RFX7: variants seen among roughly 807,000 people sequenced by gnomAD.
RFX7 encodes DNA-binding protein RFX7.
In RFX7, 26 loss-of-function variants were observed where a neutral mutation model predicts 111.8. The observed-to-expected ratio is 0.23, with a 90% CI of 0.17 to 0.32. The LOEUF (loss-of-function observed/expected upper bound fraction) is 0.32. Ranked by LOEUF, RFX7 falls within the 10% of genes least tolerant of loss-of-function variation. The pLI is 1.00. For synonymous variants in RFX7, 624 were observed against 624.4 expected, an observed-to-expected ratio of 1.00 and a Z score of 0.01; for missense variants, 1,573 against 1,772.9, an observed-to-expected ratio of 0.89 and a Z score of 2.02.
rs869249448 is a variant in RFX7 at position 56,218,144 on chromosome 15, C to CTTTTTTTTT, written c.161+24972_161+24980dup. 5.5e-4 allele frequency among the ~76,000 whole-genome samples: 32 copies of CTTTTTTTTT among 57,968 alleles called. 3 individuals carry two copies. Among genetic ancestry groups the CTTTTTTTTT allele is most frequent in the East Asian group, 1.3e-3 (2 of 1,494 alleles). The allele number at this position is 57,968 out of a possible 152,430, so 38.0% of individuals were successfully genotyped here. ...TTACAAGTAATTTAGAAATGATTTTCTTTTTTTTTTTTTTTTTTTTTTTTT... is the reference window on the plus strand; with the variant it reads ...TTACAAGTAATTTAGAAATGATTTTCTTTTTTTTTTTTTTTTTTTTTTTTTTTTTTTTTT... On this transcript the variant is annotated intron_variant, in intron 2 of 9. Transcript: ENST00000559447.
chr15:56,156,476 C>T (rs1229041576), intron 3 of RFX7, among the ~76,000 whole-genome samples: 2 of 152,022 alleles, frequency 1.3e-5, no homozygotes, highest in Non-Finnish European at 2.9e-5. Flanking sequence ...CATGTCTCTA[C>T]TGATAGACAA....
chr15:56,154,610 C>T (rs192407074), intron 3 of RFX7, among the ~76,000 whole-genome samples: 25 of 152,306 alleles, frequency 1.6e-4, no homozygotes, highest in Non-Finnish European at 3.4e-4. Context: ...CCCTTCCTTA[C>T]ACCTTTTACA....
At chr15:56,120,476 CCT>C (rs1393266101) in intron 5 of RFX7, among the ~76,000 whole-genome samples, 3 of 151,966 alleles carry the variant, frequency 2.0e-5, no homozygotes, top group Admixed American at 2.0e-4. Context: ...GTCTGGATGC[CCT>C]GTTTCTTTTT....
At chr15:56,109,194 C>T (rs574301273) in intron 5 of RFX7, among the ~76,000 whole-genome samples, 2,027 of 152,322 alleles carry the variant, frequency 0.013, 47 homozygotes, top group African/African-American at 0.046. Context: ...TGCAGGCGCG[C>T]GCCGCCACGC....
chr15:56,098,686 C>G (rs945376692), intron 8 of RFX7, among the ~76,000 whole-genome samples: 2 of 152,200 alleles, frequency 1.3e-5, no homozygotes, highest in Non-Finnish European at 1.5e-5. Context: ...TGTGCAGAAG[C>G]TGAGATAAAT....
At chr15:56,104,137 C>G (rs1190688619) in intron 5 of RFX7, among the ~76,000 whole-genome samples, 1 of 152,060 alleles carries the variant, frequency 6.6e-6, no homozygotes, top group African/African-American at 2.4e-5. Context: ...TACGAATACA[C>G]CAACACTCTC....
chr15:56,200,423 T>C (rs1278292624), intron 2 of RFX7, among the ~76,000 whole-genome samples: 1 of 152,164 alleles, frequency 6.6e-6, no homozygotes, highest in Non-Finnish European at 1.5e-5. Context: ...CAAGATAACA[T>C]CACTGGATTG....
intron 5 of RFX7, among the ~76,000 whole-genome samples, chr15:56,132,522 T>C (rs1249455962): frequency 6.6e-6 from 1 of 151,976 alleles, no homozygotes. Context: ...CCTTATCTAA[T>C]AGCATTTACT....
At chr15:56,108,734 A>G (rs898812546) in intron 5 of RFX7, among the ~76,000 whole-genome samples, 2 of 152,174 alleles carry the variant, frequency 1.3e-5, no homozygotes, top group Admixed American at 6.5e-5. Context: ...GGATATTTAA[A>G]TAGGAAGAGA....
At chr15:56,109,018 C>G (rs1339987858) in intron 5 of RFX7, among the ~76,000 whole-genome samples, 1 of 131,004 alleles carries the variant, frequency 7.6e-6, no homozygotes, top group East Asian at 2.0e-4. Flanking sequence ...AACTACAAAC[C>G]TTCTCCCTCT....
rs558793093 is a variant in RFX7 at position 56,144,019 on chromosome 15, T to G, written c.278+382A>C. On this transcript the variant is annotated intron_variant, in intron 4 of 9. Transcript: ENST00000559447. ...TTTCACTTTATTTTCTGTTTTATATTCTATGATGTGTTTATCTGATAGTAC... is the reference window on the plus strand; with the variant it reads ...TTTCACTTTATTTTCTGTTTTATATGCTATGATGTGTTTATCTGATAGTAC... Among the ~76,000 whole-genome samples the G allele has an allele frequency of 2.0e-5, 3 of 152,288 alleles. No individual in the cohort carries two copies. The South Asian group carries it at 6.2e-4, about 32-fold the overall frequency.
At chr15:56,137,160 C>G (rs1363574416) in intron 5 of RFX7, among the ~76,000 whole-genome samples, 3 of 152,088 alleles carry the variant, frequency 2.0e-5, no homozygotes, top group African/African-American at 7.2e-5. Flanking sequence ...CCCTCTTTTT[C>G]TATTGATTGG....
intron 5 of RFX7, among the ~76,000 whole-genome samples, chr15:56,106,081 G>A (rs2041826037): frequency 6.6e-6 from 1 of 152,160 alleles, no homozygotes; most frequent in African/African-American, 2.4e-5. Flanking sequence ...GGGAGTGAGA[G>A]ATGACTACTT....
chr15:56,223,209 T>A (rs1431441635), intron 2 of RFX7, among the ~76,000 whole-genome samples: 2 of 152,160 alleles, frequency 1.3e-5, no homozygotes, highest in African/African-American at 4.8e-5. Flanking sequence ...CCTGCACACG[T>A]GGAGTTCGGC....
intron 5 of RFX7, among the ~76,000 whole-genome samples, chr15:56,132,313 G>C (rs1305702234): frequency 1.3e-5 from 2 of 151,980 alleles, no homozygotes; most frequent in East Asian, 1.9e-4. Context: ...GATGGGTCCT[G>C]TCAGCTATTT....
chr15:56,217,226 TCTA>T (rs1405996494), intron 2 of RFX7, among the ~76,000 whole-genome samples: 1 of 152,144 alleles, frequency 6.6e-6, no homozygotes, highest in African/African-American at 2.4e-5. Flanking sequence ...GACAAATGTA[TCTA>T]CTAAGAATAA....
rs79019146 is a variant in RFX7, at chr15:56,223,873, C to T, written c.161+19252G>A. On this transcript the variant is annotated intron_variant, in intron 2 of 9. Coordinates refer to ENST00000559447, the MANE Select transcript of RFX7 (RefSeq NM_022841.7). ...ACATATCAGTGGAGGTCAGCAAACA[C>T]CAATCCCAGTAATCACAAAAGATAA... 4.7e-3 allele frequency among the ~76,000 whole-genome samples: 722 copies of T among 152,240 alleles called. 5 individuals are homozygous for T. Among genetic ancestry groups the T allele is most frequent in the African/African-American group, 0.017 (688 of 41,558 alleles).
chr15:56,136,120 A>G (rs1221523817), intron 5 of RFX7, among the ~76,000 whole-genome samples: 1 of 152,100 alleles, frequency 6.6e-6, no homozygotes. Context: ...GTTCCGTATG[A>G]ACTTTAAAGT....
intron 5 of RFX7, among the ~76,000 whole-genome samples, chr15:56,116,796 GTGAA>G (rs879868164): frequency 8.6e-5 from 13 of 151,060 alleles, no homozygotes; most frequent in Non-Finnish European, 1.0e-4. Flanking sequence ...ACATAGCAGT[GTGAA>G]TGAATAAACT....
Sources: allele counts gnomAD v4.1 joint callset (sites outside exome capture counted in the v4.1 genomes callset), GRCh38; gene constraint gnomAD v4.1.1; transcripts MANE v1.5; gene names NCBI Gene and HGNC (gene_info 2026-07-23, HGNC 2026-07-21).